The following PCDHA3 variants were observed in gnomAD, a reference collection of about 807,000 sequenced individuals.
The protein encoded by PCDHA3 is protocadherin alpha-3.
In PCDHA3, 41 loss-of-function variants were observed where a neutral mutation model predicts 62.2. The observed-to-expected ratio is 0.66, with a 90% CI of 0.51 to 0.86. The LOEUF (loss-of-function observed/expected upper bound fraction) is 0.86. Among genes scored for constraint, PCDHA3 ranks in the 40% least tolerant of loss-of-function variants. The probability of loss-of-function intolerance (pLI) is 0.00; values close to 1 mark genes in which losing one functional copy is unlikely to be tolerated. For synonymous variants in PCDHA3, 640 were observed against 555.4 expected, an observed-to-expected ratio of 1.15 and a Z score of -2.14; for missense variants, 1,304 against 1,241.2, an observed-to-expected ratio of 1.05 and a Z score of -0.76.
intron 1 of PCDHA3, chr5:140,836,080 T>G: frequency 6.2e-7 from 1 of 1,613,702 alleles, no homozygotes; most frequent in South Asian, 1.1e-5. Flanking sequence ...CCGGCACTGC[T>G]GGCGCCTCGG....
chr5:140,841,176 A>G, intron 1 of PCDHA3: 24 of 1,081,656 alleles, frequency 2.2e-5, no homozygotes, highest in Non-Finnish European at 3.1e-5. Context: ...TGGTTGGTCA[A>G]TGTTCAAAGT....
At chr5:140,818,277 A>T (rs1766321566) in intron 1 of PCDHA3, among the ~76,000 whole-genome samples, 2 of 152,034 alleles carry the variant, frequency 1.3e-5, no homozygotes, top group African/African-American at 4.8e-5. Context: ...TCTTTGTTTC[A>T]TAATCCATGT....
intron 1 of PCDHA3, chr5:140,870,487 T>A: frequency 6.2e-7 from 1 of 1,614,204 alleles, no homozygotes. Flanking sequence ...GTACACCGTG[T>A]TCGTGAAGGA....
At chr5:140,847,483 T>C (rs1445193080) in intron 1 of PCDHA3, 2 of 149,968 alleles carry the variant, frequency 1.3e-5, no homozygotes, top group Non-Finnish European at 3.0e-5. Flanking sequence ...TGGAATAAGA[T>C]AGTAAAACTC....
rs549444106 is a variant in PCDHA3 at position 140,953,999 on chromosome 5, T to C, written c.2395-24950T>C. Among the ~76,000 whole-genome samples the C allele has an allele frequency of 1.1e-4, 16 of 152,294 alleles. No homozygotes were observed. In the South Asian group the frequency reaches 3.3e-3, roughly 32 times the overall value. ...CCCTTCATATTTTCATGTGTACTCA[T>C]CATTCAGCTCCCACACATAGTGGGA... is the stretch of plus-strand genomic sequence containing the variant. On this transcript the variant is annotated intron_variant, in intron 1 of 3. Transcript: ENST00000522353.
chr5:140,884,703 A>T, intron 1 of PCDHA3: 3 of 1,495,534 alleles, frequency 2.0e-6, no homozygotes, highest in Non-Finnish European at 2.7e-6. Flanking sequence ...TAAACACTTT[A>T]GCCTTCCTTG....
intron 3 of PCDHA3, among the ~76,000 whole-genome samples, chr5:141,000,383 C>G (rs1324907388): frequency 4.7e-5 from 3 of 63,178 alleles, no homozygotes; most frequent in South Asian, 1.1e-3. Flanking sequence ...CTCTCTCTCT[C>G]TCTCTCTCTC....
chr5:140,801,757 A>G lies in PCDHA3; in HGVS notation c.560A>G (p.Glu187Gly), dbSNP rs1554121673. The change falls in exon 1 of 4, where the codon GAG (glutamate) becomes GGG (glycine). Residue 187 changes from glutamate to glycine, a missense_variant. Physicochemically the swap from Glu to Gly is moderately conservative, Grantham distance 98. Coordinates refer to ENST00000522353, the MANE Select transcript of PCDHA3 (RefSeq NM_018906.3). The part of the protein sequence containing the change: ...YFTLDVKRND[E>G]EIKSLGLVLK... ...ACCTTGGACGTTAAAAGAAATGATG[A>G]GGAAATTAAATCCCTTGGACTCGTG... The G allele has an allele frequency of 6.2e-7, 1 of 1,613,996 alleles. No homozygotes were observed. Among genetic ancestry groups the G allele is most frequent in the Admixed American group, 1.7e-5 (1 of 59,986 alleles).
intron 1 of PCDHA3, chr5:140,828,505 A>C (rs2150156185): frequency 6.2e-7 from 1 of 1,614,210 alleles, no homozygotes; most frequent in South Asian, 1.1e-5. Context: ...TAGAGGAACA[A>C]AGAGTGCTGA....
At chr5:140,851,091 G>C in intron 1 of PCDHA3, 1 of 1,292,680 alleles carries the variant, frequency 7.7e-7, no homozygotes, top group Non-Finnish European at 1.0e-6. Flanking sequence ...ATATTAAATA[G>C]ATATTTTTTG....
At chr5:140,819,834 T>C (rs1554127752) in intron 1 of PCDHA3, among the ~76,000 whole-genome samples, 1 of 152,062 alleles carries the variant, frequency 6.6e-6, no homozygotes, top group East Asian at 1.9e-4. Context: ...ATATTGTTGA[T>C]GACTTTTTCT....
At chr5:140,879,268 A>G (rs1289844412) in intron 1 of PCDHA3, among the ~76,000 whole-genome samples, 1 of 152,268 alleles carries the variant, frequency 6.6e-6, no homozygotes, top group East Asian at 1.9e-4. Flanking sequence ...CCAGATAATG[A>G]CAGACTCAAT....
chr5:140,940,844 T>C (rs942965203), intron 1 of PCDHA3, among the ~76,000 whole-genome samples: 1 of 152,228 alleles, frequency 6.6e-6, no homozygotes. Flanking sequence ...TTCTTCACGA[T>C]AGATTTTTAT....
chr5:140,897,281 C>T lies in PCDHA3; in HGVS notation c.2395-81668C>T, dbSNP rs1583262674. On this transcript the variant is annotated intron_variant, in intron 1 of 3. Coordinates refer to ENST00000522353, the MANE Select transcript of PCDHA3 (RefSeq NM_018906.3). ...ATGTGCCATGCTGGTGTGCTGCACC[C>T]ATTAACTCGTCATTTAGCATTAGGT... Among the ~76,000 whole-genome samples, 6 of 151,664 alleles carry T rather than the reference C, an allele frequency of 4.0e-5. No homozygotes were observed. In the South Asian group the frequency reaches 1.2e-3, roughly 32 times the overall value.
chr5:140,946,031 G>A (rs1275615718), intron 1 of PCDHA3, among the ~76,000 whole-genome samples: 2 of 151,984 alleles, frequency 1.3e-5, no homozygotes, highest in African/African-American at 2.4e-5. Flanking sequence ...AAGAAAACAA[G>A]AGTGAAGGGA....
chr5:140,966,488 C>G (rs1161799910), intron 1 of PCDHA3: 7 of 440,132 alleles, frequency 1.6e-5, no homozygotes, highest in East Asian at 1.1e-4. Context: ...TTTCCCTCCC[C>G]CTGGAGCTGT....
At chr5:140,887,192 G>A (rs2061344460) in intron 1 of PCDHA3, among the ~76,000 whole-genome samples, 1 of 151,802 alleles carries the variant, frequency 6.6e-6, no homozygotes, top group African/African-American at 2.4e-5. Flanking sequence ...CACCTCCCGG[G>A]TTCACGCCAT....
intron 1 of PCDHA3, among the ~76,000 whole-genome samples, chr5:140,930,604 G>C (rs2086982661): frequency 6.6e-6 from 1 of 152,108 alleles, no homozygotes; most frequent in South Asian, 2.1e-4. Flanking sequence ...AGAAATCCTA[G>C]ATGCAAGAGA....
intron 1 of PCDHA3, among the ~76,000 whole-genome samples, chr5:140,838,280 A>ATTTT (rs34299325): frequency 0.022 from 3,084 of 139,540 alleles, 138 homozygotes; most frequent in African/African-American, 0.08. Context: ...AGCCATGCTA[A>ATTTT]TTTTTTTTTT....
Sources: allele counts gnomAD v4.1 joint callset (sites outside exome capture counted in the v4.1 genomes callset), GRCh38; gene constraint gnomAD v4.1.1; transcripts MANE v1.5; gene names NCBI Gene and HGNC (gene_info 2026-07-23, HGNC 2026-07-21).